The following GPRC5C variants were observed in gnomAD, a reference collection of about 807,000 sequenced individuals.
The protein encoded by GPRC5C is G protein-coupled receptor class C group 5 member C, also known as G protein-coupled receptor family C group 5 member C.
A neutral mutation model predicts 31.4 loss-of-function variants in GPRC5C; 22 were observed. The observed-to-expected ratio is 0.70, with a 90% CI of 0.50 to 1.00. The LOEUF (loss-of-function observed/expected upper bound fraction) is 1.00, where lower values mean the gene tolerates loss of function less well. Among genes scored for constraint, GPRC5C ranks in the 50% least tolerant of loss-of-function variants. GPRC5C has a pLI of 0.00. For missense variants in GPRC5C, 557 were observed against 597.2 expected (o/e 0.93, Z 0.70); for synonymous variants, 249 against 257.5 (o/e 0.97, Z 0.32).
In GPRC5C at chr17:74,443,309, G is replaced by GT. The variant is rs1442158794; in HGVS notation, c.1052-507dup. The GT allele has an allele frequency of 1.3e-4, 33 of 258,778 alleles. No individual in the cohort carries two copies. The East Asian group carries it at 3.7e-3, about 29-fold the overall frequency. The allele number at this position is 258,778 out of a possible 1,614,324, so 16.0% of individuals were successfully genotyped here. A position where few individuals can be genotyped will look rare whatever the true frequency, so the allele number is the denominator to read the frequency against. On this transcript the variant is annotated intron_variant, in intron 2 of 3. Coordinates refer to ENST00000392627, the MANE Select transcript of GPRC5C (RefSeq NM_022036.4). ...TTAAGGCTCCCTGGCCAGGCTCTGG[G>GT]TTGGTGTAGTGGGGAAGGGGCGCCC...
chr17:74,436,619 C>T (rs926798760), intron 1 of GPRC5C, among the ~76,000 whole-genome samples: 1 of 152,216 alleles, frequency 6.6e-6, no homozygotes, highest in Non-Finnish European at 1.5e-5. Flanking sequence ...TTTTCCACAG[C>T]TCTGGGAACA....
chr17:74,449,301 C>T, downstream of GPRC5C: 1 of 1,260,022 alleles, frequency 7.9e-7, no homozygotes, highest in African/African-American at 1.5e-5. Context: ...GCAGTAGAGT[C>T]CCCTTTGACT....
At position 74,439,741 on chromosome 17, in the gene GPRC5C, C is replaced by G. The variant is rs1194220646; in HGVS notation, c.-32-4C>G. On this transcript the variant is annotated splice_polypyrimidine_tract_variant and splice_region_variant and intron_variant, in intron 1 of 3. Transcript: ENST00000392627. ...AATTTTGTCCCTTTTCCTTCTGTCT[C>G]TAGGGACCCAACCAGAGCCTGGCCT... is the stretch of plus-strand genomic sequence containing the variant. 1.9e-6 allele frequency: 3 copies of G among 1,598,930 alleles called. No individual in the cohort carries two copies. The highest frequency in any genetic ancestry group is 8.5e-7 in the Non-Finnish European group (1 of 1,171,572).
Position 74,439,911 on chromosome 17 carries a change from C to T in GPRC5C, c.135C>T (p.Arg45=), listed in dbSNP as rs375638770. The T allele has an allele frequency of 6.2e-7, 1 of 1,612,804 alleles. No individual in the cohort carries two copies. The highest frequency in any genetic ancestry group is 1.1e-5 in the South Asian group (1 of 91,082). ...LNPLYYNLCD[R]SGAWGIVLEA... ...CCCTGTACTACAACCTGTGTGACCG[C>T]TCTGGGGCGTGGGGCATCGTCCTGG... The change falls in exon 2 of 4, where the codon CGC becomes CGT. Residue 45 remains arginine (R), a synonymous_variant. Coordinates refer to ENST00000392627, the MANE Select transcript of GPRC5C (RefSeq NM_022036.4).
At chr17:74,448,604 C>T (rs1348047606), downstream of GPRC5C, among the ~76,000 whole-genome samples, 1 of 152,146 alleles carries the variant, frequency 6.6e-6, no homozygotes. Flanking sequence ...GTCTTGAACT[C>T]CTGGCCTCAA....
chr17:74,436,640 T>A (rs769003785), intron 1 of GPRC5C, among the ~76,000 whole-genome samples: 1 of 152,252 alleles, frequency 6.6e-6, no homozygotes, highest in Non-Finnish European at 1.5e-5. Context: ...ACAGGGCCTT[T>A]CCTTCCCAGG....
At chr17:74,446,779 T>C in intron 3 of GPRC5C, 70 bp from the exon 4 acceptor site, 5 of 1,225,330 alleles carry the variant, frequency 4.1e-6, no homozygotes, top group Non-Finnish European at 4.7e-6. Flanking sequence ...GCAGGAAGTG[T>C]TTGTGCATCC....
chr17:74,432,515 G>A, intron 1 of GPRC5C: 1 of 1,011,452 alleles, frequency 9.9e-7, no homozygotes, highest in Non-Finnish European at 1.2e-6. Context: ...GGCCGGCGGC[G>A]AGTCCCAGGT....
intron 2 of GPRC5C, chr17:74,443,258 C>T (rs779647862): frequency 4.5e-6 from 1 of 220,718 alleles, no homozygotes; most frequent in South Asian, 5.2e-5. Flanking sequence ...GGAAACTTGC[C>T]AGGGGGCCAC....
intron 2 of GPRC5C, among the ~76,000 whole-genome samples, chr17:74,442,145 G>A (rs908214989): frequency 1.3e-4 from 20 of 152,126 alleles, no homozygotes; most frequent in African/African-American, 4.8e-4. Context: ...TGGGATTACA[G>A]GCACGTGCCA....
At chr17:74,439,136 C>T (rs982466236) in intron 1 of GPRC5C, among the ~76,000 whole-genome samples, 1 of 152,096 alleles carries the variant, frequency 6.6e-6, no homozygotes, top group African/African-American at 2.4e-5. Context: ...CGCTTCCGAG[C>T]TAGGCAAAAA....
At chr17:74,442,810 T>A (rs1282326515) in intron 2 of GPRC5C, among the ~76,000 whole-genome samples, 1 of 152,130 alleles carries the variant, frequency 6.6e-6, no homozygotes. Context: ...GGGTGGCCCC[T>A]GTCACACGCA....
rs998017047 is a variant in GPRC5C, at chr17:74,440,123, G to A, written c.347G>A (p.Cys116Tyr). ...ACVVKPDFST[C>Y]ASRRFLFGVL... ...GTGGTGAAGCCCGACTTCTCCACCTGTGCCTCTCGGCGCTTCCTCTTTGGG... is the reference window on the plus strand; with the variant it reads ...GTGGTGAAGCCCGACTTCTCCACCTATGCCTCTCGGCGCTTCCTCTTTGGG... Residue 116 changes from cysteine to tyrosine, a missense_variant, in exon 2 of 4, where the codon TGT becomes TAT. By Grantham distance (194) the Cys-to-Tyr change is radical. Transcript: ENST00000392627. The surrounding 1 kb of genome is among the most constrained non-coding windows in gnomAD (Gnocchi z 4.4). The A allele has an allele frequency of 6.2e-7, 1 of 1,614,178 alleles. No homozygotes were observed. Among genetic ancestry groups the A allele is most frequent in the Admixed American group, 1.7e-5 (1 of 60,030 alleles).
downstream of GPRC5C, among the ~76,000 whole-genome samples, chr17:74,448,417 G>A (rs2055673941): frequency 6.6e-6 from 1 of 151,766 alleles, no homozygotes. Flanking sequence ...TTGGTCTGTT[G>A]CCCAGGCTAG....
At chr17:74,441,551 G>T (rs758108933) in intron 2 of GPRC5C, among the ~76,000 whole-genome samples, 1 of 152,058 alleles carries the variant, frequency 6.6e-6, no homozygotes, top group East Asian at 1.9e-4. Flanking sequence ...CCGGCTGGGC[G>T]CCATGGCTCA....
At chr17:74,449,610 AG>A, downstream of GPRC5C, 1 of 286,520 alleles carries the variant, frequency 3.5e-6, no homozygotes. Context: ...AGCTACAAGG[AG>A]CTGTCCGCGG....
chr17:74,436,493 G>A (rs770374768), intron 1 of GPRC5C, among the ~76,000 whole-genome samples: 16 of 152,060 alleles, frequency 1.1e-4, no homozygotes, highest in African/African-American at 3.1e-4. Context: ...GGTAAATTCC[G>A]TTGTGTGGCC....
At chr17:74,432,395 C>G (rs2055365558) in intron 1 of GPRC5C, 1 of 1,287,058 alleles carries the variant, frequency 7.8e-7, no homozygotes, top group Non-Finnish European at 9.8e-7. Context: ...CCGGGCCCCG[C>G]CATCCCAGCC....
chr17:74,442,249 T>C (rs543100301), intron 2 of GPRC5C, among the ~76,000 whole-genome samples: 66 of 152,340 alleles, frequency 4.3e-4, no homozygotes, highest in African/African-American at 1.4e-3. Flanking sequence ...GTGATCCGCC[T>C]GCCTCGGCAT....
Sources: gnomAD v4.1 joint callset for allele counts (sites outside exome capture counted in the v4.1 genomes callset) on GRCh38, gnomAD v4.1.1 for gene constraint, Gnocchi (gnomAD v3.1) non-coding constraint, MANE v1.5 for transcripts, NCBI Gene and HGNC (gene_info 2026-07-23, HGNC 2026-07-21) for gene names.